Variants in ANKH observed in about 807,000 individuals in gnomAD.
ANKH encodes mineralization regulator ANKH.
ANKH carries 15 observed loss-of-function variants against 49.0 expected under a neutral mutation model. The ratio of observed to expected loss-of-function variants is 0.31; its 90% CI spans 0.20 to 0.47. The LOEUF (loss-of-function observed/expected upper bound fraction) is 0.47, where lower values mean the gene tolerates loss of function less well. Among genes scored for constraint, ANKH ranks in the 20% least tolerant of loss-of-function variants. The pLI, the probability that ANKH is intolerant of heterozygous loss-of-function variation, is 1.00. For missense variants in ANKH, 429 were observed against 652.0 expected (o/e 0.66, Z 3.72); for synonymous variants, 273 against 260.0 (o/e 1.05, Z -0.48).
chr5:14,795,236 T>A (rs1307790150), intron 1 of ANKH, among the ~76,000 whole-genome samples: 1 of 152,114 alleles, frequency 6.6e-6, no homozygotes, highest in Admixed American at 6.5e-5. Context: ...GAAAAGGTAG[T>A]CAGCAAAAAG....
intron 4 of ANKH, among the ~76,000 whole-genome samples, chr5:14,753,655 G>A (rs10052744): frequency 0.24 from 36,949 of 152,030 alleles, 5,706 homozygotes; most frequent in African/African-American, 0.44. Context: ...ACAGCAATAT[G>A]TTTCCACGAA....
rs180870217 is a variant in ANKH at position 14,756,043 on chromosome 5, C to A, written c.433-99G>T. The A allele has an allele frequency of 5.6e-4, 573 of 1,031,556 alleles. 3 individuals carry two copies. In the African/African-American group the frequency reaches 7.6e-3, roughly 14 times the overall value. 63.9% of individuals were successfully genotyped at this position (1,031,556 alleles called of 1,614,324 possible). ...GGGCATTCCTGAAATACACTTTATA[C>A]CCCCTCAAAGCCTTAGCAGCCCAGG... On this transcript the variant is annotated intron_variant, in intron 3 of 11. Coordinates refer to ENST00000284268, the MANE Select transcript of ANKH (RefSeq NM_054027.6).
chr5:14,849,897 T>G (rs1561083461), intron 1 of ANKH, among the ~76,000 whole-genome samples: 1 of 152,026 alleles, frequency 6.6e-6, no homozygotes, highest in Non-Finnish European at 1.5e-5. Flanking sequence ...ACTAGGGTGG[T>G]CAGGAGCCTT....
At position 14,811,650 on chromosome 5, in the gene ANKH, C is replaced by A. The variant is rs1313502533; in HGVS notation, c.97-42459G>T. ...GATTTTTAGTTTCCTAACATTTTAA[C>A]ATATTTCAATTTCAGATGAAACCTC... On this transcript the variant is annotated intron_variant, in intron 1 of 11. Transcript: ENST00000284268. Among the ~76,000 whole-genome samples the A allele has an allele frequency of 9.2e-5, 14 of 152,196 alleles. No homozygotes were observed. In the East Asian group the frequency reaches 2.7e-3, roughly 29 times the overall value.
chr5:14,806,134 C>T (rs1214707419), intron 1 of ANKH, among the ~76,000 whole-genome samples: 1 of 152,186 alleles, frequency 6.6e-6, no homozygotes, highest in African/African-American at 2.4e-5. Flanking sequence ...GCCACTTCAA[C>T]ACATTTGTTC....
At chr5:14,742,068 T>C (rs1471164310) in intron 7 of ANKH, 146 bp from the exon 8 acceptor site, 2 of 695,728 alleles carry the variant, frequency 2.9e-6, no homozygotes, top group Admixed American at 2.1e-5. Flanking sequence ...GCGGCTGTCA[T>C]GTTGAGTGTC....
chr5:14,733,467 G>C (rs1317535503), intron 8 of ANKH, among the ~76,000 whole-genome samples: 3 of 152,230 alleles, frequency 2.0e-5, no homozygotes, highest in Non-Finnish European at 4.4e-5. Flanking sequence ...CCAGGCCTGG[G>C]AGAGGGAAGC....
intron 1 of ANKH, among the ~76,000 whole-genome samples, chr5:14,778,508 C>A (rs1383349627): frequency 6.6e-6 from 1 of 152,144 alleles, no homozygotes; most frequent in African/African-American, 2.4e-5. Context: ...CTCTTGTGGC[C>A]ACACCTTTGC....
intron 8 of ANKH, among the ~76,000 whole-genome samples, chr5:14,724,040 A>T (rs1246577572): frequency 6.6e-6 from 1 of 152,166 alleles, no homozygotes; most frequent in Non-Finnish European, 1.5e-5. Context: ...ATTTTTGTCC[A>T]GGAGTGGTGG....
intron 1 of ANKH, among the ~76,000 whole-genome samples, chr5:14,780,632 T>C (rs190356720): frequency 3.0e-4 from 45 of 152,370 alleles, no homozygotes; most frequent in Non-Finnish European, 5.3e-4. Context: ...TGAAAGCTGA[T>C]ACTGTTCCCT....
chr5:14,790,781 TG>T (rs964331261), intron 1 of ANKH, among the ~76,000 whole-genome samples: 17 of 152,164 alleles, frequency 1.1e-4, no homozygotes, highest in African/African-American at 4.1e-4. Context: ...GTTAATTTTT[TG>T]TATTTTTAGT....
At chr5:14,835,089 G>C (rs1051358770) in intron 1 of ANKH, among the ~76,000 whole-genome samples, 7 of 152,278 alleles carry the variant, frequency 4.6e-5, no homozygotes, top group East Asian at 3.9e-4. Flanking sequence ...TCTGATACTA[G>C]TACAACTCAT....
At chr5:14,840,956 G>GT (rs1229318903) in intron 1 of ANKH, among the ~76,000 whole-genome samples, 5 of 152,174 alleles carry the variant, frequency 3.3e-5, no homozygotes, top group African/African-American at 1.2e-4. Context: ...ATGCCATTTG[G>GT]TTTTTTATAA....
intron 4 of ANKH, among the ~76,000 whole-genome samples, chr5:14,755,579 T>C (rs112664766): frequency 1.9e-4 from 29 of 152,352 alleles, no homozygotes; most frequent in Admixed American, 5.9e-4. Flanking sequence ...GCTCATCTCA[T>C]GTGCATGCTC....
chr5:14,717,786 T>C (rs1737525539), intron 8 of ANKH, among the ~76,000 whole-genome samples: 1 of 152,142 alleles, frequency 6.6e-6, no homozygotes, highest in South Asian at 2.1e-4. Context: ...TTTTAGAATT[T>C]TTGCATTATA....
Position 14,796,082 on chromosome 5 carries a change from A to G in ANKH, c.97-26891T>C, listed in dbSNP as rs535134476. On this transcript the variant is annotated intron_variant, in intron 1 of 11. Coordinates refer to ENST00000284268, the MANE Select transcript of ANKH (RefSeq NM_054027.6). Reference sequence around the variant, plus strand: ...ATTCTTTTCGACGTGATATTTTTACAAAGAAATTTGTATCTGTGCCTTTTG... The same window carrying G: ...ATTCTTTTCGACGTGATATTTTTACGAAGAAATTTGTATCTGTGCCTTTTG... 3.9e-5 allele frequency among the ~76,000 whole-genome samples: 6 copies of G among 152,276 alleles called. No individual in the cohort carries two copies. In the South Asian group the frequency reaches 1.2e-3, roughly 32 times the overall value.
rs1740937260 is a variant in ANKH, at chr5:14,813,191, T to C, written c.97-44000A>G. Reference sequence around the variant, plus strand: ...AAGAGTTCAAGGTTACAGTGAGCTATGATCAGGCCACTGCACCTCAGCCTG... The same window carrying C: ...AAGAGTTCAAGGTTACAGTGAGCTACGATCAGGCCACTGCACCTCAGCCTG... On this transcript the variant is annotated intron_variant, in intron 1 of 11. Coordinates refer to ENST00000284268, the MANE Select transcript of ANKH (RefSeq NM_054027.6). 3.3e-5 allele frequency among the ~76,000 whole-genome samples: 5 copies of C among 151,702 alleles called. No individual in the cohort carries two copies. In the South Asian group the frequency reaches 1.0e-3, roughly 32 times the overall value.
chr5:14,867,018 G>A (rs1473467824), intron 1 of ANKH, among the ~76,000 whole-genome samples: 2 of 151,954 alleles, frequency 1.3e-5, no homozygotes, highest in Non-Finnish European at 2.9e-5. Flanking sequence ...TTAGCCGGGG[G>A]TGGTGGTGCA....
chr5:14,805,441 G>A (rs539821769), intron 1 of ANKH, among the ~76,000 whole-genome samples: 9 of 99,096 alleles, frequency 9.1e-5, no homozygotes, highest in African/African-American at 2.8e-4. Context: ...ATATATATGT[G>A]TGTGTGTATA....
Sources: gnomAD v4.1 joint callset for allele counts (sites outside exome capture counted in the v4.1 genomes callset) on GRCh38, gnomAD v4.1.1 for gene constraint, MANE v1.5 for transcripts, NCBI Gene and HGNC (gene_info 2026-07-23, HGNC 2026-07-21) for gene names.